NAPSA: variants seen among roughly 807,000 people sequenced by gnomAD.
NAPSA encodes the protein napsin-A.
A neutral mutation model predicts 36.7 loss-of-function variants in NAPSA; 37 were observed. The ratio of observed to expected loss-of-function variants is 1.01; its 90% CI spans 0.78 to 1.33. The LOEUF (loss-of-function observed/expected upper bound fraction) is 1.33. NAPSA is among the 40% of genes most tolerant of loss of function. The probability of loss-of-function intolerance (pLI) is 0.00; values close to 1 mark genes in which losing one functional copy is unlikely to be tolerated. For synonymous variants in NAPSA, 222 were observed against 234.5 expected (o/e 0.95, Z 0.49); for missense variants, 532 against 543.8 (o/e 0.98, Z 0.21).
In NAPSA at chr19:50,358,593, A is replaced by G. The variant is rs886100759; in HGVS notation, c.1223T>C (p.Leu408Pro). The change falls in exon 9 of 9, where the codon CTC becomes CCC. Residue 408 changes from leucine (L) to proline (P), a missense_variant. By Grantham distance (98) the Leu-to-Pro change is moderately conservative. Around this residue, in one of 3 missense-constraint regions of NAPSA, gnomAD observed 385 missense variants for 371.5 expected, o/e 1.04. Coordinates refer to ENST00000253719, the MANE Select transcript of NAPSA (RefSeq NM_004851.3). ...LARARTRGAD[L>P]GWGETAQAQF... Reference sequence around the variant, plus strand: ...CGCCTGCGCAGTCTCTCCCCATCCGAGGTCCGCTCCGCGAGTGCGAGCGCG... The same window carrying G: ...CGCCTGCGCAGTCTCTCCCCATCCGGGGTCCGCTCCGCGAGTGCGAGCGCG... The G allele has an allele frequency of 6.2e-7, 1 of 1,611,100 alleles. No homozygotes were observed. Among genetic ancestry groups the G allele is most frequent in the Non-Finnish European group, 8.5e-7 (1 of 1,179,200 alleles).
At chr19:50,365,506 C>A (rs543508347) in intron 1 of NAPSA, 33 bp downstream of exon 1, 1 of 1,601,552 alleles carries the variant, frequency 6.2e-7, no homozygotes, top group African/African-American at 1.3e-5. Flanking sequence ...AAAATCCCTC[C>A]TAAGGTTGGG....
intron 5 of NAPSA, among the ~76,000 whole-genome samples, 155 bp downstream of exon 5, chr19:50,360,786 A>C (rs1399399545): frequency 6.6e-6 from 1 of 152,146 alleles, no homozygotes; most frequent in East Asian, 1.9e-4. Flanking sequence ...TGGAGGATGC[A>C]ACTTCTTGTA....
At chr19:50,362,488 G>A in intron 1 of NAPSA, 175 bp from the exon 2 acceptor site, 1 of 540,462 alleles carries the variant, frequency 1.9e-6, no homozygotes. Context: ...ATGCCATGAT[G>A]ACAAATATCC....
At chr19:50,366,175 G>T (rs902402612), upstream of NAPSA, among the ~76,000 whole-genome samples, 4 of 150,248 alleles carry the variant, frequency 2.7e-5, no homozygotes, top group East Asian at 7.8e-4. Context: ...GTTTGTTTTT[G>T]TTTTTGTTTT....
Position 50,359,755 on chromosome 19 carries a change from T to C in NAPSA, c.776A>G (p.Gln259Arg). The change falls in exon 6 of 9, where the codon CAG becomes CGG. Residue 259 changes from glutamine to arginine, a missense_variant. Around this residue, in one of 3 missense-constraint regions of NAPSA, gnomAD observed 385 missense variants for 371.5 expected, o/e 1.04. Coordinates refer to ENST00000253719, the MANE Select transcript of NAPSA (RefSeq NM_004851.3). Reference protein sequence around the residue: ...FVPVTVPAYWQIHMERVKVGP... With the variant: ...FVPVTVPAYWRIHMERVKVGP... ...AGTCCCTCACCGCTCCATGTGGATC[T>C]GCCAGTAGGCAGGGACCGTGACTGG... 6.2e-7 allele frequency: 1 copy of C among 1,614,128 alleles called. No individual in the cohort carries two copies. Among genetic ancestry groups the C allele is most frequent in the Middle Eastern group, 1.6e-4 (1 of 6,062 alleles).
intron 7 of NAPSA, 58 bp downstream of exon 7, chr19:50,359,445 T>G: frequency 6.2e-7 from 1 of 1,607,724 alleles, no homozygotes; most frequent in Non-Finnish European, 8.5e-7. Context: ...CCCTTTGATG[T>G]TCACTGTCAA....
chr19:50,367,548 CCCTCTCTCT>C (rs1568589264), upstream of NAPSA, among the ~76,000 whole-genome samples: 571 of 143,108 alleles, frequency 4.0e-3, 5 homozygotes, highest in Non-Finnish European at 6.8e-3. Flanking sequence ...CTCTCTCTCT[CCCTCTCTCT>C]CTCTCTCTCT....
chr19:50,369,208 G>A (rs781408463), upstream of NAPSA: 2 of 152,224 alleles, frequency 1.3e-5, no homozygotes, highest in East Asian at 1.9e-4. Flanking sequence ...CCGGGTTGGG[G>A]AGGGGCTGCT....
upstream of NAPSA, among the ~76,000 whole-genome samples, chr19:50,366,636 G>C (rs547303611): frequency 8.2e-4 from 124 of 151,110 alleles, no homozygotes; most frequent in Middle Eastern, 3.4e-3. Flanking sequence ...TGGTGGCTGG[G>C]CATTGATGAG....
At chr19:50,359,213 G>T (rs2037438324) in intron 7 of NAPSA, 104 bp from the exon 8 acceptor site, 2 of 1,044,270 alleles carry the variant, frequency 1.9e-6, no homozygotes, top group Non-Finnish European at 2.9e-6. Flanking sequence ...GAGCACCTGG[G>T]TACTCAGCGT....
At position 50,359,743 on chromosome 19, in the gene NAPSA, T is replaced by A; in HGVS notation, c.788A>T (p.Glu263Val). The A allele has an allele frequency of 6.2e-7, 1 of 1,613,900 alleles. No homozygotes were observed. Among genetic ancestry groups the A allele is most frequent in the Non-Finnish European group, 8.5e-7 (1 of 1,180,006 alleles). Residue 263 changes from glutamate to valine, a missense_variant, in exon 6 of 9, where the codon GAG (glutamate) becomes GTG (valine). Glu to Val is a moderately radical substitution (Grantham distance 121, BLOSUM62 -2). Coordinates refer to ENST00000253719, the MANE Select transcript of NAPSA (RefSeq NM_004851.3). ...GCCAGGAGACCAAGTCCCTCACCGC[T>A]CCATGTGGATCTGCCAGTAGGCAGG... ...TVPAYWQIHM[E>V]RVKVGPGLTL... is the part of the protein sequence containing the mutation.
chr19:50,368,651 C>T (rs994172810), upstream of NAPSA, among the ~76,000 whole-genome samples: 1 of 152,184 alleles, frequency 6.6e-6, no homozygotes, highest in African/African-American at 2.4e-5. Context: ...CTTCAACTCG[C>T]CCCGCACGCT....
chr19:50,361,212 C>T (rs1465515118), intron 4 of NAPSA, 72 bp from the exon 5 acceptor site: 2 of 1,332,362 alleles, frequency 1.5e-6, no homozygotes, highest in African/African-American at 2.9e-5. Flanking sequence ...GTCTCCCAAA[C>T]CAAGGCATGA....
In NAPSA at chr19:50,359,837, C is replaced by T; in HGVS notation, c.694G>A (p.Glu232Lys). The change falls in exon 6 of 9, where the codon GAG (glutamate) becomes AAG (lysine). Residue 232 changes from glutamate (E) to lysine (K), a missense_variant. Physicochemically the swap from Glu to Lys is moderately conservative, Grantham distance 56. Coordinates refer to ENST00000253719, the MANE Select transcript of NAPSA (RefSeq NM_004851.3). ...NRDPEEPDGG[E>K]LVLGGSDPAH... ...GGGTCCGAGCCCCCCAGGACCAGCT[C>T]TCCTCCATCAGGCTCTTCAGGGTCC... 3.7e-6 allele frequency: 6 copies of T among 1,614,216 alleles called. No individual in the cohort carries two copies. The highest frequency in any genetic ancestry group is 5.1e-6 in the Non-Finnish European group (6 of 1,180,026).
At chr19:50,367,405 A>G (rs2037560800), upstream of NAPSA, among the ~76,000 whole-genome samples, 2 of 152,208 alleles carry the variant, frequency 1.3e-5, no homozygotes, top group South Asian at 4.1e-4. Flanking sequence ...CCCCAAGCCC[A>G]TTAATGCTGT....
At position 50,359,093 on chromosome 19, in the gene NAPSA, G is replaced by C. The variant is rs866184560; in HGVS notation, c.953C>G (p.Ser318Trp). The change falls in exon 8 of 9, where the codon TCG becomes TGG. Residue 318 changes from serine (S) to tryptophan (W), a missense_variant. Ser to Trp is a radical substitution (Grantham distance 177). Coordinates refer to ENST00000253719, the MANE Select transcript of NAPSA (RefSeq NM_004851.3). ...LLAGEYIILC[S>W]EIPKLPAVSF... The stretch of plus-strand genomic sequence containing the variant: ...GACTGCGGGGAGCTTTGGGATTTCC[G>C]AGCACAGGATGATGTACTGGGGGAG... 6.2e-7 allele frequency: 1 copy of C among 1,613,722 alleles called. No individual in the cohort carries two copies. The highest frequency in any genetic ancestry group is 8.5e-7 in the Non-Finnish European group (1 of 1,179,738).
rs1290666949 is a variant in NAPSA, at chr19:50,362,246, C to T, written c.151G>A (p.Ala51Thr). 6.2e-7 allele frequency: 1 copy of T among 1,614,122 alleles called. No individual in the cohort carries two copies. Among genetic ancestry groups the T allele is most frequent in the South Asian group, 1.1e-5 (1 of 91,066 alleles). The change falls in exon 2 of 9, where the codon GCA becomes ACA. Residue 51 changes from alanine (A) to threonine (T), a missense_variant. Physicochemically the swap from Ala to Thr is moderately conservative, Grantham distance 58. Around this residue, in one of 3 missense-constraint regions of NAPSA, gnomAD observed 102 missense variants for 93.6 expected, o/e 1.09. Coordinates refer to ENST00000253719, the MANE Select transcript of NAPSA (RefSeq NM_004851.3). ...GGGGCCCCCAACTTGGGGAGCTCTG[C>T]TGGTTCTCTCCATCCCCTCAGTAGG... ...LNLLRGWREP[A>T]ELPKLGAPSP...
chr19:50,364,992 A>AAATAAT (rs1164486251), intron 1 of NAPSA, among the ~76,000 whole-genome samples: 2 of 138,624 alleles, frequency 1.4e-5, no homozygotes, highest in Admixed American at 7.4e-5. Context: ...ACTCTGTCTC[A>AAATAAT]AATAATAATA....
upstream of NAPSA, chr19:50,365,647 G>C: frequency 6.3e-7 from 1 of 1,577,852 alleles, no homozygotes; most frequent in Non-Finnish European, 8.6e-7. Flanking sequence ...TGTGAACCCA[G>C]GTGTCCTGGG....
Sources: gnomAD v4.1 joint callset for allele counts (sites outside exome capture counted in the v4.1 genomes callset) on GRCh38, gnomAD v4.1.1 for gene constraint, gnomAD v4.1.1 regional missense constraint, MANE v1.5 for transcripts, NCBI Gene and HGNC (gene_info 2026-07-23, HGNC 2026-07-21) for gene names.